ASAP2: variants seen among roughly 807,000 people sequenced by gnomAD.
ASAP2 encodes the protein ArfGAP with SH3 domain, ankyrin repeat and PH domain 2, also known as arf-GAP with SH3 domain, ANK repeat and PH domain-containing protein 2.
In ASAP2, 45 loss-of-function variants were observed where a neutral mutation model predicts 131.4. That is an observed-to-expected ratio of 0.34 (90% CI 0.27 to 0.44). ASAP2 has a LOEUF of 0.44. ASAP2 is among the 20% of genes least tolerant of loss of function. The pLI is 1.00. For synonymous variants in ASAP2, 510 were observed against 503.0 expected (o/e 1.01, Z -0.19); for missense variants, 1,011 against 1,297.0 (o/e 0.78, Z 3.39).
chr2:9,354,173 G>A (rs1384306278), intron 12 of ASAP2, among the ~76,000 whole-genome samples: 3 of 152,164 alleles, frequency 2.0e-5, no homozygotes, highest in African/African-American at 7.2e-5. Context: ...GAATTGTGAG[G>A]TGACCCAAGT....
chr2:9,343,249 A>G (rs755695741), intron 9 of ASAP2, among the ~76,000 whole-genome samples: 1 of 152,158 alleles, frequency 6.6e-6, no homozygotes, highest in Non-Finnish European at 1.5e-5. Flanking sequence ...TGTTTCTCCC[A>G]TTATGGAATG....
rs888614208 is a variant in ASAP2 at position 9,224,868 on chromosome 2, A to G, written c.126+17638A>G. ...AGAGTGCTCTACATCTGGGAAGCAC[A>G]GTGGTCGTGCCCACAGCTGTCAGGC... On this transcript the variant is annotated intron_variant, in intron 1 of 27. Coordinates refer to ENST00000281419, the MANE Select transcript of ASAP2 (RefSeq NM_003887.3). Among the ~76,000 whole-genome samples, 4 of 152,188 alleles carry G rather than the reference A, an allele frequency of 2.6e-5. No individual in the cohort carries two copies. The East Asian group carries it at 7.7e-4, about 29-fold the overall frequency.
chr2:9,401,364 A>G lies in ASAP2; in HGVS notation c.2914A>G (p.Ile972Val). 6.2e-7 allele frequency: 1 copy of G among 1,613,594 alleles called. No homozygotes were observed. The highest frequency in any genetic ancestry group is 8.5e-7 in the Non-Finnish European group (1 of 1,179,918). The change falls in exon 27 of 28, where the codon ATC (isoleucine) becomes GTC (valine). Residue 972 changes from isoleucine to valine, a missense_variant. Transcript: ENST00000281419. ...CACCTTCTCCGAGGGGGATGTGATCATCGTGGACGGGGAGGAGGACCAGGA... is the reference window on the plus strand; with the variant it reads ...CACCTTCTCCGAGGGGGATGTGATCGTCGTGGACGGGGAGGAGGACCAGGA... ...ELTFSEGDVI[I>V]VDGEEDQEWW...
chr2:9,313,285 A>G (rs1669432149), intron 3 of ASAP2, among the ~76,000 whole-genome samples: 1 of 152,166 alleles, frequency 6.6e-6, no homozygotes, highest in Non-Finnish European at 1.5e-5. Flanking sequence ...ACCCTAATCT[A>G]TTATTAACAG....
At chr2:9,368,953 G>A (rs888905654) in intron 16 of ASAP2, among the ~76,000 whole-genome samples, 2 of 151,846 alleles carry the variant, frequency 1.3e-5, no homozygotes, top group Non-Finnish European at 2.9e-5. Flanking sequence ...AATGTGGAAT[G>A]TGTTACTTCC....
intron 1 of ASAP2, among the ~76,000 whole-genome samples, chr2:9,209,032 A>G (rs1317006272): frequency 1.3e-5 from 2 of 152,206 alleles, no homozygotes; most frequent in East Asian, 3.8e-4. Flanking sequence ...TTTACAGTGT[A>G]TAATTCCAAA....
At chr2:9,241,700 T>C (rs1164184337) in intron 1 of ASAP2, among the ~76,000 whole-genome samples, 1 of 152,192 alleles carries the variant, frequency 6.6e-6, no homozygotes, top group African/African-American at 2.4e-5. Flanking sequence ...CAAAGATATG[T>C]ACTGTAATTT....
At position 9,400,075 on chromosome 2, in the gene ASAP2, AATT is replaced by A; in HGVS notation, c.2734+7_2734+9del. ...CAAAGGCCAACCGAGAGGACCTGGTAATTATTTAATTTGGGACTGAGTTTGTTT... is the reference window on the plus strand; with the variant it reads ...CAAAGGCCAACCGAGAGGACCTGGTAATTTAATTTGGGACTGAGTTTGTTT... On this transcript the variant is annotated splice_donor_5th_base_variant and intron_variant, in intron 25 of 27. Transcript: ENST00000281419. 1 of 1,612,588 alleles carries A rather than the reference AATT, an allele frequency of 6.2e-7. No individual in the cohort carries two copies. Among genetic ancestry groups the A allele is most frequent in the Non-Finnish European group, 8.5e-7 (1 of 1,179,368 alleles).
At chr2:9,374,575 G>T (rs902969836) in intron 16 of ASAP2, among the ~76,000 whole-genome samples, 180 bp from the exon 17 acceptor site, 2 of 152,192 alleles carry the variant, frequency 1.3e-5, no homozygotes, top group African/African-American at 2.4e-5. Flanking sequence ...CCAGGAGGTC[G>T]CAGTGAAGAC....
chr2:9,373,213 T>C (rs1236587941), intron 16 of ASAP2, among the ~76,000 whole-genome samples: 1 of 151,926 alleles, frequency 6.6e-6, no homozygotes, highest in Non-Finnish European at 1.5e-5. Context: ...GGAGGCAGTG[T>C]GATAAAAGTG....
intron 1 of ASAP2, among the ~76,000 whole-genome samples, chr2:9,234,615 T>C (rs989899339): frequency 6.6e-6 from 1 of 152,250 alleles, no homozygotes; most frequent in East Asian, 1.9e-4. Flanking sequence ...ACTATCCCCA[T>C]TGTGTGGATC....
chr2:9,240,209 G>A (rs6758205), intron 1 of ASAP2, among the ~76,000 whole-genome samples: 24,936 of 150,022 alleles, frequency 0.17, 2,380 homozygotes, highest in South Asian at 0.24. Context: ...CTTCAATCAC[G>A]ACATGTCTCT....
intron 9 of ASAP2, 110 bp from the exon 10 acceptor site, chr2:9,344,422 T>C: frequency 3.8e-6 from 3 of 786,692 alleles, no homozygotes; most frequent in Non-Finnish European, 5.7e-6. Context: ...TCTCCAATTT[T>C]TGTTGTTGTT....
intron 23 of ASAP2, among the ~76,000 whole-genome samples, chr2:9,391,974 G>T (rs1675763058): frequency 6.6e-6 from 1 of 152,060 alleles, no homozygotes; most frequent in Admixed American, 6.6e-5. Context: ...TCCAACTCCT[G>T]GGTTCAAGGG....
intron 19 of ASAP2, among the ~76,000 whole-genome samples, chr2:9,380,070 G>T (rs1187486082): frequency 2.6e-5 from 4 of 152,068 alleles, no homozygotes; most frequent in African/African-American, 9.7e-5. Context: ...TTGTTATATT[G>T]CAGTGCATGG....
rs71389235 is a variant in ASAP2 at position 9,256,162 on chromosome 2, CAAAAAAA to C, written c.127-23142_127-23136del. ...AGAAAAACTATTCTAGGGTCCCCTG[CAAAAAAA>C]AAAAAAAAAAAAGAAAGCAAGTAAT... On this transcript the variant is annotated intron_variant, in intron 1 of 27. Coordinates refer to ENST00000281419, the MANE Select transcript of ASAP2 (RefSeq NM_003887.3). 1.0e-4 allele frequency among the ~76,000 whole-genome samples: 9 copies of C among 86,834 alleles called. No homozygotes were observed. The East Asian group carries it at 1.2e-3, about 12-fold the overall frequency. The allele number at this position is 86,834 out of a possible 152,430, so 57.0% of individuals were successfully genotyped here. A position where few individuals can be genotyped will look rare whatever the true frequency, so the allele number is the denominator to read the frequency against.
chr2:9,393,626 C>T lies in ASAP2; in HGVS notation c.2663C>T (p.Pro888Leu), dbSNP rs370099908. 1.6e-4 allele frequency: 260 copies of T among 1,583,840 alleles called. No individual in the cohort carries two copies. Among genetic ancestry groups the T allele is most frequent in the Non-Finnish European group, 2.1e-4 (248 of 1,168,204 alleles). ...PLPPQPPSRL[P>L]QKKPAPGADK... The stretch of plus-strand genomic sequence containing the variant: ...CCCCCACAGCCGCCCAGCCGCCTCC[C>T]GCAGAAGAAGCCTGCGCCGGGGTAA... Residue 888 changes from proline (P) to leucine (L), a missense_variant, in exon 24 of 28, where the codon CCG becomes CTG. Around this residue, in one of 2 missense-constraint regions of ASAP2, gnomAD observed 652 missense variants for 698.9 expected, o/e 0.93. Transcript: ENST00000281419.
intron 27 of ASAP2, among the ~76,000 whole-genome samples, chr2:9,401,833 G>A (rs891548433): frequency 6.6e-5 from 10 of 152,214 alleles, no homozygotes; most frequent in African/African-American, 1.9e-4. Context: ...GATGAGTGCC[G>A]GCCACCTAAG....
rs914094540 is a variant in ASAP2 at position 9,278,490 on chromosome 2, G to A, written c.127-827G>A. On this transcript the variant is annotated intron_variant, in intron 1 of 27. Transcript: ENST00000281419. ...ATCGTGCCACTGCACTCTAGCCTGG[G>A]TGACAGAGCGAGACCCCTTCTCAAA... Among the ~76,000 whole-genome samples the A allele has an allele frequency of 3.3e-4, 50 of 149,786 alleles. 1 individual carries two copies. Among genetic ancestry groups the A allele is most frequent in the Non-Finnish European group, 1.2e-4 (8 of 67,650 alleles).
Sources: gnomAD v4.1 joint callset for allele counts (sites outside exome capture counted in the v4.1 genomes callset) on GRCh38, gnomAD v4.1.1 for gene constraint, gnomAD v4.1.1 regional missense constraint, MANE v1.5 for transcripts, NCBI Gene and HGNC (gene_info 2026-07-23, HGNC 2026-07-21) for gene names.